TMEM235: variants seen among roughly 807,000 people sequenced by gnomAD.
TMEM235 encodes claudin-27.
Under a neutral mutation model 22.9 loss-of-function variants are expected in TMEM235, and 23 were observed. That is an observed-to-expected ratio of 1.00 (90% CI 0.72 to 1.42). The LOEUF is 1.42. TMEM235 is among the 40% of genes most tolerant of loss of function. TMEM235 has a pLI of 0.00. For synonymous variants in TMEM235, 137 were observed against 140.5 expected, an observed-to-expected ratio of 0.98 and a Z score of 0.17; for missense variants, 308 against 299.5, an observed-to-expected ratio of 1.03 and a Z score of -0.21.
chr17:78,236,032 C>G (rs1305008731), intron 4 of TMEM235, among the ~76,000 whole-genome samples: 2 of 152,224 alleles, frequency 1.3e-5, no homozygotes, highest in Admixed American at 1.3e-4. Context: ...CCACCAGGCG[C>G]CCCCTCCAAC....
chr17:78,239,986 G>T (rs1425723329), exon 6 of TMEM235: 7 of 1,545,680 alleles, frequency 4.5e-6, no homozygotes, highest in Non-Finnish European at 6.1e-6. Flanking sequence ...CGATCCAGAT[G>T]TACCCCTCTG....
At chr17:78,239,656 G>T in intron 5 of TMEM235, 124 bp from the exon 5 acceptor site, 1 of 1,448,580 alleles carries the variant, frequency 6.9e-7, no homozygotes, top group Non-Finnish European at 9.2e-7. Flanking sequence ...AGTCACTGCT[G>T]CCCCCATTCC....
exon 6 of TMEM235, chr17:78,240,817 C>T (rs1257826464): frequency 6.6e-6 from 1 of 152,298 alleles, no homozygotes; most frequent in African/African-American, 2.4e-5. Flanking sequence ...TCCTCTTCCT[C>T]CTGGTGTTTG....
Position 78,234,728 on chromosome 17 carries a change from GGAGT to G in TMEM235, c.409+3_409+6del. Reference sequence around the variant, plus strand: ...TTCACCGGCTGCTACTTCCTGCTGGGGAGTGAGTCTGGGGCCCTGGGGGAATGGC... The same window carrying G: ...TTCACCGGCTGCTACTTCCTGCTGGGGAGTCTGGGGCCCTGGGGGAATGGC... On this transcript the variant is annotated splice_donor_variant and coding_sequence_variant, in exon 4 of 6. Transcript: ENST00000421688. LOFTEE classifies it high-confidence loss of function. The G allele has an allele frequency of 4.6e-6, 7 of 1,536,144 alleles. No homozygotes were observed. Among genetic ancestry groups the G allele is most frequent in the Non-Finnish European group, 6.1e-6 (7 of 1,146,914 alleles).
intron 2 of TMEM235, among the ~76,000 whole-genome samples, chr17:78,233,425 A>C (rs1174284716): frequency 6.6e-6 from 1 of 152,248 alleles, no homozygotes; most frequent in African/African-American, 2.4e-5. Context: ...AACAAGGTGA[A>C]GGCTGGGCCC....
chr17:78,236,380 G>T (rs564695432), intron 4 of TMEM235, among the ~76,000 whole-genome samples: 1 of 152,342 alleles, frequency 6.6e-6, no homozygotes, highest in South Asian at 2.1e-4. Context: ...CCTCAGCTCT[G>T]ACCCCAGCAC....
In TMEM235 at chr17:78,237,221, G is replaced by T. The variant is rs768612936; in HGVS notation, c.410-1803G>T. 3.9e-5 allele frequency among the ~76,000 whole-genome samples: 6 copies of T among 152,104 alleles called. No individual in the cohort carries two copies. Among genetic ancestry groups the T allele is most frequent in the Non-Finnish European group, 7.4e-5 (5 of 68,018 alleles). ...AGGGCTCTCAGGATGTCACACCAAA[G>T]GCACCTGCCCAGGGTCAGCTCGGCC... On this transcript the variant is annotated intron_variant, in intron 4 of 5. Transcript: ENST00000421688. The surrounding 1 kb of genome is among the most constrained non-coding windows in gnomAD (Gnocchi z 4.7).
Position 78,232,218 on chromosome 17 carries a change from C to A in TMEM235, c.190+5C>A. 1.4e-6 allele frequency: 2 copies of A among 1,452,956 alleles called. No individual in the cohort carries two copies. Among genetic ancestry groups the A allele is most frequent in the South Asian group, 1.3e-5 (1 of 74,204 alleles). The allele number at this position is 1,452,956 out of a possible 1,614,324, so 90.0% of individuals were successfully genotyped here. A position where few individuals can be genotyped will look rare whatever the true frequency, so the allele number is the denominator to read the frequency against. On this transcript the variant is annotated splice_donor_5th_base_variant and intron_variant, in intron 2 of 5. Transcript: ENST00000421688. ...GGCTCTGGCGCATCTGCGAAGGTAA[C>A]CGGCCACCGCGCCGGCCCTCCTCCC...
chr17:78,238,964 C>A lies in TMEM235; in HGVS notation c.410-60C>A. The A allele has an allele frequency of 6.7e-7, 1 of 1,496,868 alleles. No homozygotes were observed. The highest frequency in any genetic ancestry group is 8.9e-7 in the Non-Finnish European group (1 of 1,121,038). The allele number at this position is 1,496,868 out of a possible 1,614,324, so 92.7% of individuals were successfully genotyped here. On this transcript the variant is annotated intron_variant, in intron 4 of 5. Coordinates refer to ENST00000421688, the Ensembl canonical transcript of TMEM235. This position sits in a 1 kb window ranked among gnomAD's most constrained non-coding sequence, Gnocchi z 4.3. ...TGCTGAGGCCATGTCTGCAGGACCACCTGGGCCTGGGCCCGCTAGAGCAGA... is the reference window on the plus strand; with the variant it reads ...TGCTGAGGCCATGTCTGCAGGACCAACTGGGCCTGGGCCCGCTAGAGCAGA...
intron 2 of TMEM235, 88 bp downstream of exon 1, chr17:78,232,301 C>A: frequency 7.9e-7 from 1 of 1,271,004 alleles, no homozygotes; most frequent in Non-Finnish European, 1.0e-6. Flanking sequence ...GTTGCCCCGC[C>A]AGACCCCCTT....
At chr17:78,231,305 C>T, upstream of TMEM235, 1 of 964,440 alleles carries the variant, frequency 1.0e-6, no homozygotes, top group African/African-American at 1.7e-5. Flanking sequence ...TGGCACCCCA[C>T]GCCTGTCCTA....
exon 3 of TMEM235, chr17:78,233,921 G>T: frequency 5.2e-6 from 8 of 1,535,884 alleles, no homozygotes; most frequent in African/African-American, 1.4e-5. Context: ...CCCGCTGGTC[G>T]ACCCTTTTGC....
At chr17:78,240,235 G>T (rs2145930688) in exon 6 of TMEM235, 1 of 421,536 alleles carries the variant, frequency 2.4e-6, no homozygotes, top group South Asian at 2.6e-5. Flanking sequence ...CATGGTGGAG[G>T]AGTTTGGGGC....
At chr17:78,236,873 T>A (rs1271405508) in intron 4 of TMEM235, among the ~76,000 whole-genome samples, 1 of 150,106 alleles carries the variant, frequency 6.7e-6, no homozygotes, top group African/African-American at 2.5e-5. Flanking sequence ...AGAACAACAG[T>A]GAAGTCAAGG....
chr17:78,234,876 G>A, intron 4 of TMEM235, 146 bp downstream of exon 3: 1 of 1,049,272 alleles, frequency 9.5e-7, no homozygotes, highest in Non-Finnish European at 1.4e-6. Context: ...GTGGCAGGCA[G>A]CTCCCTGTGG....
intron 4 of TMEM235, among the ~76,000 whole-genome samples, chr17:78,235,554 T>C (rs968383182): frequency 2.0e-5 from 3 of 150,640 alleles, no homozygotes; most frequent in African/African-American, 7.3e-5. Context: ...CCCTAAGTGC[T>C]GGGATTATAG....
intron 3 of TMEM235, 192 bp downstream of exon 2, chr17:78,234,167 T>C (rs1230809423): frequency 7.1e-6 from 5 of 702,600 alleles, no homozygotes; most frequent in Middle Eastern, 2.3e-4. Context: ...CAGCCTATCC[T>C]GTTTTCCCCT....
exon 6 of TMEM235, chr17:78,240,939 A>G (rs2081116965): frequency 6.6e-6 from 1 of 152,220 alleles, no homozygotes; most frequent in Non-Finnish European, 1.5e-5. Context: ...AAAATAGGTA[A>G]CACATGCCTG....
chr17:78,240,922 A>T (rs1599049814), exon 6 of TMEM235: 1 of 152,262 alleles, frequency 6.6e-6, no homozygotes, highest in South Asian at 2.1e-4. Context: ...TTTTCTTAGA[A>T]CTTTTCAAAA....
Sources: gnomAD v4.1 joint callset for allele counts (sites outside exome capture counted in the v4.1 genomes callset) on GRCh38, gnomAD v4.1.1 for gene constraint, Gnocchi (gnomAD v3.1) non-coding constraint, MANE v1.5 for transcripts, NCBI Gene and HGNC (gene_info 2026-07-23, HGNC 2026-07-21) for gene names.